Variants in ESRRG observed in about 807,000 individuals in gnomAD.
ESRRG encodes estrogen related receptor gamma.
In ESRRG, 13 loss-of-function variants were observed where a neutral mutation model predicts 44.0. The ratio of observed to expected loss-of-function variants is 0.30; its 90% confidence interval spans 0.19 to 0.47. The LOEUF (loss-of-function observed/expected upper bound fraction) is 0.47, where lower values mean the gene tolerates loss of function less well. Ranked by LOEUF, ESRRG falls within the 20% of genes least tolerant of loss-of-function variation. The pLI is 1.00. For missense variants in ESRRG, 395 were observed against 580.6 expected, an observed-to-expected ratio of 0.68 and a Z score of 3.29; for synonymous variants, 215 against 214.6, an observed-to-expected ratio of 1.00 and a Z score of -0.02.
At chr1:216,513,565 A>G (rs1465038315) in intron 6 of ESRRG, among the ~76,000 whole-genome samples, 1 of 152,092 alleles carries the variant, frequency 6.6e-6, no homozygotes, top group African/African-American at 2.4e-5. Flanking sequence ...TGACATTTAC[A>G]CCAGCCACAC....
At chr1:217,105,930 A>G (rs1248339060) in intron 1 of ESRRG, among the ~76,000 whole-genome samples, 2 of 152,224 alleles carry the variant, frequency 1.3e-5, no homozygotes, top group African/African-American at 4.8e-5. Context: ...TTTCTAGGTA[A>G]ACAGCATAAA....
intron 2 of ESRRG, among the ~76,000 whole-genome samples, chr1:216,674,757 A>T (rs572879375): frequency 3.1e-4 from 47 of 151,900 alleles, no homozygotes; most frequent in African/African-American, 1.1e-3. Flanking sequence ...CTACAGGTGC[A>T]TGCCACCATG....
At chr1:216,672,202 C>A (rs533356650) in intron 2 of ESRRG, among the ~76,000 whole-genome samples, 208 of 152,230 alleles carry the variant, frequency 1.4e-3, no homozygotes, top group African/African-American at 4.9e-3. Flanking sequence ...GCCACTGTAA[C>A]CCTATTGGAT....
intron 3 of ESRRG, among the ~76,000 whole-genome samples, chr1:216,578,972 G>A (rs887332768): frequency 2.0e-5 from 3 of 151,892 alleles, no homozygotes; most frequent in Admixed American, 6.6e-5. Context: ...TATGAATACT[G>A]GTGAAAATAA....
rs1002390065 is a variant in ESRRG at position 216,961,046 on chromosome 1, T to C, written c.-105-21373A>G. On this transcript the variant is annotated intron_variant, in intron 1 of 7. Transcript: ENST00000359162. ...ATATTACAAAGCTACTGTAAGACAA[T>C]ATGATATTTATACAAGGAGGAAGAG... 3.3e-5 allele frequency among the ~76,000 whole-genome samples: 5 copies of C among 152,126 alleles called. No homozygotes were observed. In the South Asian group the frequency reaches 1.0e-3, roughly 32 times the overall value.
chr1:216,689,581 G>T (rs1559239307), intron 1 of ESRRG, among the ~76,000 whole-genome samples: 1 of 151,790 alleles, frequency 6.6e-6, no homozygotes, highest in Non-Finnish European at 1.5e-5. Flanking sequence ...GGGATTTTTT[G>T]GATTTTTAAA....
intron 1 of ESRRG, among the ~76,000 whole-genome samples, chr1:217,113,773 A>G (rs2092687023): frequency 6.6e-6 from 1 of 152,100 alleles, no homozygotes; most frequent in Non-Finnish European, 1.5e-5. Context: ...GAGGATCACT[A>G]GAGGCCAGGA....
chr1:216,653,393 T>C (rs922683648), intron 2 of ESRRG, among the ~76,000 whole-genome samples: 2 of 152,198 alleles, frequency 1.3e-5, no homozygotes, highest in East Asian at 1.9e-4. Context: ...AAAAAATCAA[T>C]AGAATTATTT....
intron 3 of ESRRG, among the ~76,000 whole-genome samples, chr1:216,636,787 A>G (rs556340661): frequency 2.2e-4 from 34 of 152,202 alleles, no homozygotes; most frequent in Admixed American, 2.2e-3. Flanking sequence ...AAGCTGGGGG[A>G]TTTTGTTCTT....
At chr1:216,961,842 C>T (rs2069163046) in intron 1 of ESRRG, among the ~76,000 whole-genome samples, 2 of 152,072 alleles carry the variant, frequency 1.3e-5, no homozygotes, top group Admixed American at 6.6e-5. Flanking sequence ...TCAGTAATTG[C>T]TATTGAAAAC....
intron 1 of ESRRG, among the ~76,000 whole-genome samples, chr1:216,699,486 G>A (rs996912304): frequency 6.6e-6 from 1 of 152,124 alleles, no homozygotes; most frequent in Non-Finnish European, 1.5e-5. Context: ...ACCTGTCATG[G>A]AGGGCCAGAA....
At chr1:216,776,940 G>A (rs1280740165) in intron 2 of ESRRG, among the ~76,000 whole-genome samples, 1 of 152,102 alleles carries the variant, frequency 6.6e-6, no homozygotes, top group African/African-American at 2.4e-5. Context: ...CCAAGAAGTT[G>A]GAAGACAAAC....
intron 2 of ESRRG, among the ~76,000 whole-genome samples, chr1:216,858,884 C>A (rs1445859723): frequency 6.6e-6 from 1 of 152,158 alleles, no homozygotes; most frequent in East Asian, 1.9e-4. Context: ...TGAGTTCAGG[C>A]AACCTGTACT....
intron 3 of ESRRG, among the ~76,000 whole-genome samples, chr1:216,580,579 C>T (rs2062572738): frequency 6.6e-6 from 1 of 152,184 alleles, no homozygotes; most frequent in Non-Finnish European, 1.5e-5. Flanking sequence ...GATTGCTATA[C>T]TTGGGAAATT....
intron 1 of ESRRG, among the ~76,000 whole-genome samples, chr1:217,135,488 G>C (rs2093036122): frequency 2.0e-5 from 3 of 151,998 alleles, no homozygotes; most frequent in Admixed American, 2.0e-4. Flanking sequence ...AGGTTGAAGG[G>C]GCAGAGGCGG....
chr1:216,775,482 C>T lies in ESRRG; in HGVS notation c.-13-97991G>A, dbSNP rs561105317. Reference sequence around the variant, plus strand: ...CTGTGTTTCTCATGTTGGTGAACCACACCACTCTATTCCCAATTGCTCAAC... The same window carrying T: ...CTGTGTTTCTCATGTTGGTGAACCATACCACTCTATTCCCAATTGCTCAAC... On this transcript the variant is annotated intron_variant, in intron 2 of 7. Transcript: ENST00000359162. Among the ~76,000 whole-genome samples, 67 of 148,344 alleles carry T rather than the reference C, an allele frequency of 4.5e-4. 2 individuals are homozygous for T. Among genetic ancestry groups the T allele is most frequent in the Middle Eastern group, 7.0e-3 (2 of 284 alleles).
At chr1:216,553,767 A>G (rs2056936145) in intron 5 of ESRRG, among the ~76,000 whole-genome samples, 1 of 152,096 alleles carries the variant, frequency 6.6e-6, no homozygotes, top group South Asian at 2.1e-4. Flanking sequence ...CAAAATCCCT[A>G]CTTTGAGTTT....
chr1:216,670,868 A>G (rs1379633922), intron 2 of ESRRG, among the ~76,000 whole-genome samples: 1 of 152,180 alleles, frequency 6.6e-6, no homozygotes, highest in Non-Finnish European at 1.5e-5. Context: ...ACTGCCTCTC[A>G]CTGACAGAAA....
chr1:216,948,977 C>T (rs1426949581), intron 1 of ESRRG, among the ~76,000 whole-genome samples: 3 of 152,148 alleles, frequency 2.0e-5, no homozygotes, highest in Non-Finnish European at 4.4e-5. Context: ...TATGGGACCT[C>T]AGCATACTTT....
Sources: gnomAD v4.1 joint callset for allele counts (sites outside exome capture counted in the v4.1 genomes callset) on GRCh38, gnomAD v4.1.1 for gene constraint, MANE v1.5 for transcripts, NCBI Gene and HGNC (gene_info 2026-07-23, HGNC 2026-07-21) for gene names.